HYCC1: variants seen among roughly 807,000 people sequenced by gnomAD.
The protein encoded by HYCC1 is hyccin PI4KA lipid kinase complex subunit 1.
the HYCC1 span, among the ~76,000 whole-genome samples, chr7:22,983,529 C>A: frequency 6.6e-6 from 1 of 152,114 alleles, no homozygotes; most frequent in Non-Finnish European, 1.5e-5. Flanking sequence ...TGTGCTTATC[C>A]GTAGACTGGA....
chr7:22,909,573 C>T, the HYCC1 span, among the ~76,000 whole-genome samples: 1 of 152,216 alleles, frequency 6.6e-6, no homozygotes, highest in Non-Finnish European at 1.5e-5. Context: ...AGCGTGACTG[C>T]TTCTAGTGAG....
At chr7:22,959,136 G>A in the HYCC1 span, among the ~76,000 whole-genome samples, 105 of 152,230 alleles carry the variant, frequency 6.9e-4, no homozygotes, top group African/African-American at 2.5e-3. Context: ...CTTGCTATTG[G>A]CAAACATCAC....
chr7:22,977,404 C>T, the HYCC1 span: 2 of 1,586,270 alleles, frequency 1.3e-6, no homozygotes, highest in Non-Finnish European at 1.7e-6. Flanking sequence ...TGGTATGTCC[C>T]TGTTTGTCAA....
the HYCC1 span, among the ~76,000 whole-genome samples, chr7:22,999,229 T>C: frequency 3.9e-5 from 6 of 152,296 alleles, no homozygotes; most frequent in African/African-American, 1.4e-4. Flanking sequence ...ACAAACAAAT[T>C]ATTTTACATT....
the HYCC1 span, among the ~76,000 whole-genome samples, chr7:22,929,918 A>C: frequency 0.2 from 29,805 of 152,108 alleles, 3,546 homozygotes; most frequent in Non-Finnish European, 0.27. Flanking sequence ...CACTATTCAC[A>C]ATAGCAAAGA....
the HYCC1 span, among the ~76,000 whole-genome samples, chr7:22,981,534 T>C: frequency 6.6e-6 from 1 of 152,200 alleles, no homozygotes. Context: ...CGAGTGGTTT[T>C]TTTAAGAATA....
At chr7:22,981,512 T>C in the HYCC1 span, among the ~76,000 whole-genome samples, 1 of 152,212 alleles carries the variant, frequency 6.6e-6, no homozygotes, top group Admixed American at 6.5e-5. Context: ...CTTCCAAATA[T>C]ATCTGAAAGA....
At chr7:23,002,547 A>G in the HYCC1 span, among the ~76,000 whole-genome samples, 2 of 152,112 alleles carry the variant, frequency 1.3e-5, no homozygotes, top group Non-Finnish European at 2.9e-5. Flanking sequence ...GTTGCTTGCC[A>G]TTGGCTGTAT....
the HYCC1 span, among the ~76,000 whole-genome samples, chr7:22,928,575 T>C: frequency 6.6e-6 from 1 of 152,128 alleles, no homozygotes; most frequent in Non-Finnish European, 1.5e-5. Flanking sequence ...ACGAGTGAAC[T>C]CCCATTCACA....
At chr7:22,900,807 A>C in the HYCC1 span, among the ~76,000 whole-genome samples, 14 of 152,340 alleles carry the variant, frequency 9.2e-5, no homozygotes, top group Middle Eastern at 6.8e-3. Context: ...CACATTAAAA[A>C]GCAAAAATTA....
chr7:22,976,175 A>G, the HYCC1 span: 4 of 1,251,644 alleles, frequency 3.2e-6, no homozygotes, highest in Non-Finnish European at 4.7e-6. Context: ...AGATTCATAT[A>G]TTTCAATATT....
At chr7:22,991,237 T>C in the HYCC1 span, 1 of 741,904 alleles carries the variant, frequency 1.3e-6, no homozygotes, top group South Asian at 1.8e-5. Context: ...TTACTTCATA[T>C]TTGTGAAATG....
chr7:23,000,053 C>T, the HYCC1 span, among the ~76,000 whole-genome samples: 12 of 151,940 alleles, frequency 7.9e-5, no homozygotes, highest in Non-Finnish European at 1.6e-4. Flanking sequence ...AAACTATCAA[C>T]ACCTAGGGAG....
At chr7:22,905,386 ATTTTT>A in the HYCC1 span, among the ~76,000 whole-genome samples, 147 of 44,466 alleles carry the variant, frequency 3.3e-3, 1 homozygote, top group African/African-American at 0.012. Flanking sequence ...CTAATTTTGT[ATTTTT>A]TTTTTTTTTT....
At chr7:22,973,035 T>A in the HYCC1 span, among the ~76,000 whole-genome samples, 4 of 152,244 alleles carry the variant, frequency 2.6e-5, no homozygotes, top group Non-Finnish European at 4.4e-5. Flanking sequence ...TTCTCCTAGA[T>A]GACCCAGTCA....
the HYCC1 span, among the ~76,000 whole-genome samples, chr7:22,956,476 T>C: frequency 1.3e-5 from 2 of 151,820 alleles, no homozygotes; most frequent in African/African-American, 2.4e-5. Flanking sequence ...ATACAATTGT[T>C]TAACTTAAAC....
At chr7:22,985,496 A>T in the HYCC1 span, 5 of 152,142 alleles carry the variant, frequency 3.3e-5, no homozygotes, top group Non-Finnish European at 7.4e-5. Context: ...TCACCTTGGG[A>T]TATATAAGTG....
chr7:22,905,594 A>G, the HYCC1 span, among the ~76,000 whole-genome samples: 1 of 151,842 alleles, frequency 6.6e-6, no homozygotes, highest in African/African-American at 2.4e-5. Context: ...AGGATTTAAT[A>G]ATATAATTAA....
chr7:22,976,440 GAAA>G, the HYCC1 span: 2 of 703,318 alleles, frequency 2.8e-6, no homozygotes, highest in Admixed American at 2.7e-5. Context: ...CACCAATAAT[GAAA>G]AACTACAAGG....
Sources: gnomAD v4.1 joint callset for allele counts (sites outside exome capture counted in the v4.1 genomes callset) on GRCh38, gnomAD v4.1.1 for gene constraint, MANE v1.5 for transcripts, NCBI Gene and HGNC (gene_info 2026-07-23, HGNC 2026-07-21) for gene names.